TAFA1: variants seen among roughly 807,000 people sequenced by gnomAD.
The protein encoded by TAFA1 is TAFA chemokine like family member 1.
A neutral mutation model predicts 18.5 loss-of-function variants in TAFA1; 4 were observed. The ratio of observed to expected loss-of-function variants is 0.22; its 90% CI spans 0.11 to 0.49. The LOEUF (loss-of-function observed/expected upper bound fraction) is 0.49, where lower values mean the gene tolerates loss of function less well. TAFA1 is among the 20% of genes least tolerant of loss of function. The probability of loss-of-function intolerance (pLI) is 0.98; values close to 1 mark genes in which losing one functional copy is unlikely to be tolerated. For missense variants in TAFA1, 147 were observed against 169.0 expected (o/e 0.87, Z 0.72); for synonymous variants, 56 against 55.2 (o/e 1.01, Z -0.06).
Position 68,341,141 on chromosome 3 carries a change from AG to A in TAFA1, c.119-76137del, listed in dbSNP as rs984987065. 5.3e-5 allele frequency among the ~76,000 whole-genome samples: 8 copies of A among 152,198 alleles called. No individual in the cohort carries two copies. The East Asian group carries it at 1.2e-3, about 22-fold the overall frequency. ...GCAATGGACAGAGTAATTCACACAG[AG>A]GTGGCTGTGTGGGAGACCATAGTTT... On this transcript the variant is annotated intron_variant, in intron 2 of 4. Coordinates refer to ENST00000478136, the MANE Select transcript of TAFA1 (RefSeq NM_213609.4).
chr3:68,122,172 T>C (rs1173424313), intron 2 of TAFA1, among the ~76,000 whole-genome samples: 1 of 151,990 alleles, frequency 6.6e-6, no homozygotes, highest in Non-Finnish European at 1.5e-5. Flanking sequence ...TCTGTCTAGG[T>C]CTCTGATATG....
chr3:68,164,429 A>C (rs2065959636), intron 2 of TAFA1, among the ~76,000 whole-genome samples: 1 of 152,226 alleles, frequency 6.6e-6, no homozygotes, highest in Non-Finnish European at 1.5e-5. Context: ...GCAAGTTTTG[A>C]ATAAATCCTT....
intron 2 of TAFA1, among the ~76,000 whole-genome samples, chr3:68,361,591 C>T (rs1173957740): frequency 6.6e-6 from 1 of 151,288 alleles, no homozygotes; most frequent in Non-Finnish European, 1.5e-5. Context: ...GTAACAAATA[C>T]ATGTCCCCCC....
rs374030007 is a variant in TAFA1, at chr3:68,232,632, T to C, written c.119-184648T>C. 1.2e-4 allele frequency among the ~76,000 whole-genome samples: 18 copies of C among 152,234 alleles called. No homozygotes were observed. The East Asian group carries it at 3.3e-3, about 28-fold the overall frequency. On this transcript the variant is annotated intron_variant, in intron 2 of 4. Coordinates refer to ENST00000478136, the MANE Select transcript of TAFA1 (RefSeq NM_213609.4). ...TAGTGGGTTTTTTTTTCTCTTTTTT[T>C]AGTAGCTATGTCACCCGGGCTGGAG... is the stretch of plus-strand genomic sequence containing the variant.
intron 3 of TAFA1, among the ~76,000 whole-genome samples, chr3:68,453,073 T>C (rs896096965): frequency 2.0e-5 from 3 of 152,182 alleles, no homozygotes; most frequent in Non-Finnish European, 4.4e-5. Context: ...TTGCTTTATT[T>C]CAGTAAGATT....
chr3:68,479,363 A>C (rs772775489), intron 3 of TAFA1, among the ~76,000 whole-genome samples: 2 of 151,842 alleles, frequency 1.3e-5, no homozygotes, highest in Admixed American at 6.6e-5. Context: ...TATAAATAAC[A>C]GCTTTAGACA....
chr3:68,259,169 G>A (rs1454114246), intron 2 of TAFA1, among the ~76,000 whole-genome samples: 1 of 152,154 alleles, frequency 6.6e-6, no homozygotes, highest in Non-Finnish European at 1.5e-5. Flanking sequence ...GAATGGAAAG[G>A]TGCTAGGGTA....
chr3:68,050,975 A>G (rs548012088), intron 2 of TAFA1, among the ~76,000 whole-genome samples: 1 of 152,202 alleles, frequency 6.6e-6, no homozygotes, highest in Non-Finnish European at 1.5e-5. Context: ...GAGAACAAAC[A>G]GTGTTTACTT....
chr3:68,328,335 T>A (rs1450115313), intron 2 of TAFA1, among the ~76,000 whole-genome samples: 1 of 152,184 alleles, frequency 6.6e-6, no homozygotes, highest in Non-Finnish European at 1.5e-5. Context: ...AGATGCTATT[T>A]TTATTGAACA....
At chr3:68,066,044 T>C (rs946745544) in intron 2 of TAFA1, among the ~76,000 whole-genome samples, 10 of 152,086 alleles carry the variant, frequency 6.6e-5, no homozygotes, top group Non-Finnish European at 1.0e-4. Flanking sequence ...ACAATAGTGA[T>C]AGGAAGCAGA....
intron 2 of TAFA1, among the ~76,000 whole-genome samples, chr3:68,065,596 G>A (rs139529416): frequency 7.8e-4 from 118 of 152,106 alleles, no homozygotes; most frequent in African/African-American, 2.8e-3. Context: ...ACTCACAAGG[G>A]AGCCAGTGAA....
intron 3 of TAFA1, among the ~76,000 whole-genome samples, chr3:68,483,538 G>C (rs1329203193): frequency 6.6e-6 from 1 of 152,178 alleles, no homozygotes. Flanking sequence ...TGTCCCAGTT[G>C]TCATGGGCAG....
chr3:68,514,429 T>C (rs1035927375), intron 3 of TAFA1, among the ~76,000 whole-genome samples: 1 of 152,180 alleles, frequency 6.6e-6, no homozygotes, highest in Non-Finnish European at 1.5e-5. Flanking sequence ...TTTCATTGTT[T>C]GTAACCATTT....
At chr3:68,065,762 A>T in intron 2 of TAFA1, among the ~76,000 whole-genome samples, 1 of 134,270 alleles carries the variant, frequency 7.4e-6, no homozygotes, top group East Asian at 2.0e-4. Flanking sequence ...ATATATATAT[A>T]TATACACACA....
intron 2 of TAFA1, among the ~76,000 whole-genome samples, chr3:68,374,432 T>G (rs1284852544): frequency 6.6e-6 from 1 of 152,188 alleles, no homozygotes; most frequent in African/African-American, 2.4e-5. Context: ...CCTTCTGTAC[T>G]GTTATCTATA....
At chr3:68,447,363 C>T (rs1329009671) in intron 3 of TAFA1, among the ~76,000 whole-genome samples, 1 of 152,168 alleles carries the variant, frequency 6.6e-6, no homozygotes, top group East Asian at 1.9e-4. Context: ...TGTCTAAAAA[C>T]CAAACTGTTG....
chr3:68,287,593 C>G (rs1343359597), intron 2 of TAFA1, among the ~76,000 whole-genome samples: 1 of 152,136 alleles, frequency 6.6e-6, no homozygotes, highest in Admixed American at 6.5e-5. Flanking sequence ...CTCTTCAGTC[C>G]TACTGACCTC....
chr3:68,358,262 A>AT (rs540139974), intron 2 of TAFA1, among the ~76,000 whole-genome samples: 2 of 151,588 alleles, frequency 1.3e-5, no homozygotes, highest in Non-Finnish European at 2.9e-5. Context: ...ATTGATTTTT[A>AT]TTTTTTTTAT....
chr3:68,154,242 C>A (rs1219621955), intron 2 of TAFA1, among the ~76,000 whole-genome samples: 4 of 152,140 alleles, frequency 2.6e-5, no homozygotes, highest in Admixed American at 1.3e-4. Flanking sequence ...AAGAGCATGG[C>A]ACATCACCTG....
Sources: allele counts gnomAD v4.1 joint callset (sites outside exome capture counted in the v4.1 genomes callset), GRCh38; gene constraint gnomAD v4.1.1; transcripts MANE v1.5; gene names NCBI Gene and HGNC (gene_info 2026-07-23, HGNC 2026-07-21).